ASAP2: variants seen among roughly 807,000 people sequenced by gnomAD.
ASAP2 encodes the protein arf-GAP with SH3 domain, ANK repeat and PH domain-containing protein 2.
In ASAP2, 45 loss-of-function variants were observed where a neutral mutation model predicts 131.4. The observed-to-expected ratio is 0.34, with a 90% CI of 0.27 to 0.44. The LOEUF (loss-of-function observed/expected upper bound fraction) is 0.44, where lower values mean the gene tolerates loss of function less well. Among genes scored for constraint, ASAP2 ranks in the 20% least tolerant of loss-of-function variants. The pLI, the probability that ASAP2 is intolerant of heterozygous loss-of-function variation, is 1.00. For missense variants in ASAP2, 1,011 were observed against 1,297.0 expected, an observed-to-expected ratio of 0.78 and a Z score of 3.39; for synonymous variants, 510 against 503.0, an observed-to-expected ratio of 1.01 and a Z score of -0.19.
intron 2 of ASAP2, among the ~76,000 whole-genome samples, chr2:9,279,884 A>ACACATACATATTTTTTG (rs1667016247): frequency 6.6e-6 from 1 of 151,824 alleles, no homozygotes; most frequent in African/African-American, 2.4e-5. Context: ...ATATATATTT[A>ACACATACATATTTTTTG]CACATATATA....
In ASAP2 at chr2:9,268,889, C is replaced by T. The variant is rs1243290393; in HGVS notation, c.127-10428C>T. 6.6e-6 allele frequency among the ~76,000 whole-genome samples: 1 copy of T among 152,164 alleles called. No homozygotes were observed. Among genetic ancestry groups the T allele is most frequent in the African/African-American group, 2.4e-5 (1 of 41,428 alleles). On this transcript the variant is annotated intron_variant, in intron 1 of 27. Coordinates refer to ENST00000281419, the MANE Select transcript of ASAP2 (RefSeq NM_003887.3). This position sits in a 1 kb window ranked among gnomAD's most constrained non-coding sequence, Gnocchi z 4.1. ...GTTCTAAGAAGGAAGCCAGCCTCTT[C>T]CCACCCCTGCTGGTTCGCATTGAGA...
At chr2:9,255,077 C>T (rs1665065198) in intron 1 of ASAP2, among the ~76,000 whole-genome samples, 1 of 152,234 alleles carries the variant, frequency 6.6e-6, no homozygotes, top group Admixed American at 6.5e-5. Flanking sequence ...TCCTTCACTT[C>T]CTCATCGGTG....
intron 1 of ASAP2, among the ~76,000 whole-genome samples, chr2:9,250,073 G>GAGGAA (rs1365815662): frequency 6.6e-6 from 1 of 152,188 alleles, no homozygotes; most frequent in East Asian, 1.9e-4. Context: ...TTTATCATCT[G>GAGGAA]TAACATGAGG....
chr2:9,368,246 T>C (rs1673633284), intron 15 of ASAP2, among the ~76,000 whole-genome samples, 179 bp from the exon 16 acceptor site: 1 of 152,254 alleles, frequency 6.6e-6, no homozygotes, highest in South Asian at 2.1e-4. Flanking sequence ...CCGCTTCTTA[T>C]CTTTAATTTT....
intron 11 of ASAP2, among the ~76,000 whole-genome samples, chr2:9,349,097 A>C (rs1018816735): frequency 1.3e-5 from 2 of 152,212 alleles, no homozygotes; most frequent in Non-Finnish European, 2.9e-5. Context: ...TAGGAAAATT[A>C]AATGAATTAT....
chr2:9,279,082 A>T (rs1181158225), intron 1 of ASAP2, among the ~76,000 whole-genome samples: 1 of 152,212 alleles, frequency 6.6e-6, no homozygotes, highest in Non-Finnish European at 1.5e-5. Context: ...GTTGGTTTTC[A>T]GTAATTGCCA....
intron 1 of ASAP2, among the ~76,000 whole-genome samples, chr2:9,270,784 C>CTTTTTTTTTTTTTT (rs1666294703): frequency 1.2e-3 from 82 of 69,672 alleles, no homozygotes; most frequent in Non-Finnish European, 1.8e-3. Context: ...CAATTGTTTT[C>CTTTTTTTTTTTTTT]ATTTTTTTTT....
At chr2:9,400,967 G>T (rs1292879911) in intron 26 of ASAP2, 137 bp downstream of exon 26, 6 of 920,446 alleles carry the variant, frequency 6.5e-6, no homozygotes, top group Non-Finnish European at 9.8e-6. Context: ...GTACCTGACT[G>T]CTTGGATCTG....
intron 2 of ASAP2, among the ~76,000 whole-genome samples, chr2:9,293,996 AT>A (rs557969541): frequency 0.03 from 4,199 of 139,486 alleles, 100 homozygotes; most frequent in Admixed American, 0.092. Context: ...AAGGACAAGA[AT>A]TTTTTTTTTT....
rs111767974 is a variant in ASAP2, at chr2:9,319,417, G to A, written c.420+819G>A. Among the ~76,000 whole-genome samples, 1,485 of 152,332 alleles carry A rather than the reference G, an allele frequency of 9.7e-3. 29 individuals carry two copies. Among genetic ancestry groups the A allele is most frequent in the African/African-American group, 0.034 (1,411 of 41,584 alleles). On this transcript the variant is annotated intron_variant, in intron 4 of 27. Coordinates refer to ENST00000281419, the MANE Select transcript of ASAP2 (RefSeq NM_003887.3). ...TCACAGAGTGTGCCCGGAGAGAGCT[G>A]TTCAGACACATTCCCCATCGAGCCT...
chr2:9,334,201 G>GTTTTTTT (rs111579113), intron 7 of ASAP2, among the ~76,000 whole-genome samples: 1 of 129,486 alleles, frequency 7.7e-6, no homozygotes, highest in Non-Finnish European at 1.6e-5. Flanking sequence ...TTTTGTATTT[G>GTTTTTTT]TTTTTTTTTT....
At chr2:9,255,511 G>A (rs758620794) in intron 1 of ASAP2, among the ~76,000 whole-genome samples, 2 of 152,206 alleles carry the variant, frequency 1.3e-5, no homozygotes, top group African/African-American at 4.8e-5. Context: ...ACTATGGAAT[G>A]GTTGATTTGA....
intron 1 of ASAP2, among the ~76,000 whole-genome samples, chr2:9,230,716 G>A (rs1427568795): frequency 6.6e-6 from 1 of 152,246 alleles, no homozygotes; most frequent in Non-Finnish European, 1.5e-5. Context: ...GCAAGGCAAG[G>A]ACGTTGTTTC....
rs753226014 is a variant in ASAP2 at position 9,320,372 on chromosome 2, A to G, written c.470+35A>G. ...CTCGTTTTTAAATTTACGTATAGGT[A>G]ATTTGGGATTTCAAATTTAAACCAA... On this transcript the variant is annotated intron_variant, in intron 5 of 27. Transcript: ENST00000281419. 5.1e-6 allele frequency: 8 copies of G among 1,559,762 alleles called. No homozygotes were observed. The South Asian group carries it at 8.0e-5, about 16-fold the overall frequency.
chr2:9,319,335 G>A (rs1670007199), intron 4 of ASAP2, among the ~76,000 whole-genome samples: 1 of 152,244 alleles, frequency 6.6e-6, no homozygotes, highest in South Asian at 2.1e-4. Context: ...GGGGATGACT[G>A]GAAACCCAGT....
chr2:9,362,977 A>G (rs1673207288), intron 15 of ASAP2, among the ~76,000 whole-genome samples: 1 of 152,162 alleles, frequency 6.6e-6, no homozygotes, highest in African/African-American at 2.4e-5. Flanking sequence ...AACCCCTGGT[A>G]ACCATAGTTC....
intron 1 of ASAP2, among the ~76,000 whole-genome samples, chr2:9,276,824 G>A (rs975867842): frequency 1.3e-4 from 20 of 152,238 alleles, no homozygotes; most frequent in African/African-American, 4.8e-4. Context: ...ACAGGCATGA[G>A]CCACTGCGCA....
intron 2 of ASAP2, among the ~76,000 whole-genome samples, chr2:9,296,554 CATGT>C (rs1288836575): frequency 1.3e-5 from 2 of 152,246 alleles, no homozygotes; most frequent in Admixed American, 1.3e-4. Flanking sequence ...GCTCAAACAA[CATGT>C]GTGTTGTCTA....
rs1159952713 is a variant in ASAP2 at position 9,232,266 on chromosome 2, G to A, written c.126+25036G>A. Among the ~76,000 whole-genome samples the A allele has an allele frequency of 6.9e-6, 1 of 145,510 alleles. No individual in the cohort carries two copies. Among genetic ancestry groups the A allele is most frequent in the Non-Finnish European group, 1.5e-5 (1 of 66,322 alleles). On this transcript the variant is annotated intron_variant, in intron 1 of 27. Coordinates refer to ENST00000281419, the MANE Select transcript of ASAP2 (RefSeq NM_003887.3). This position sits in a 1 kb window ranked among gnomAD's most constrained non-coding sequence, Gnocchi z 4.1. ...CAACACGCCTCACTGCCCTGCGCCC[G>A]ATCCTTTTACACAGGTGGTCCCTCT...
Sources: gnomAD v4.1 joint callset for allele counts (sites outside exome capture counted in the v4.1 genomes callset) on GRCh38, gnomAD v4.1.1 for gene constraint, Gnocchi (gnomAD v3.1) non-coding constraint, MANE v1.5 for transcripts, NCBI Gene and HGNC (gene_info 2026-07-23, HGNC 2026-07-21) for gene names.